Variants in MAST4 observed in about 807,000 individuals in gnomAD.
The protein encoded by MAST4 is microtubule-associated serine/threonine-protein kinase 4.
In MAST4, 89 loss-of-function variants were observed where a neutral mutation model predicts 162.7. That is an observed-to-expected ratio of 0.55 (90% CI 0.46 to 0.65). The LOEUF (loss-of-function observed/expected upper bound fraction) is 0.65, where lower values mean the gene tolerates loss of function less well. MAST4 is among the 30% of genes least tolerant of loss of function. MAST4 has a pLI of 0.00. For missense variants in MAST4, 3,153 were observed against 3,374.0 expected, an observed-to-expected ratio of 0.93 and a Z score of 1.62; for synonymous variants, 1,479 against 1,361.1, an observed-to-expected ratio of 1.09 and a Z score of -1.91.
intron 1 of MAST4, among the ~76,000 whole-genome samples, chr5:66,691,239 T>C (rs540126313): frequency 2.0e-5 from 3 of 152,294 alleles, no homozygotes; most frequent in Admixed American, 6.5e-5. Flanking sequence ...ATAGGGAATG[T>C]CAGATCCCTT....
intron 2 of MAST4, among the ~76,000 whole-genome samples, chr5:66,764,515 C>G (rs947272659): frequency 2.6e-5 from 4 of 151,896 alleles, no homozygotes; most frequent in Non-Finnish European, 5.9e-5. Flanking sequence ...TGACAGTGGT[C>G]CCATAAGATT....
intron 14 of MAST4, 102 bp from the exon 15 acceptor site, chr5:67,130,108 G>A (rs1561692975): frequency 9.3e-7 from 1 of 1,073,114 alleles, no homozygotes; most frequent in East Asian, 2.6e-5. Context: ...CACCTGCTGT[G>A]AGAACTTTTA....
chr5:67,165,893 G>A lies in MAST4; in HGVS notation c.6714G>A (p.Glu2238=), dbSNP rs1045799201. ...ATQSLGGSSR[E]GKGHSKSGPD... ...AGTCCCTCGGTGGCTCTAGCAGAGA[G>A]GGGAAGGGCCACAGTAAGAGTGGGC... The change falls in exon 29 of 29, where the codon GAG becomes GAA. Residue 2238 remains glutamate (E), a synonymous_variant. Transcript: ENST00000403625. The A allele has an allele frequency of 8.7e-6, 14 of 1,613,280 alleles. No homozygotes were observed. Among genetic ancestry groups the A allele is most frequent in the Admixed American group, 6.7e-5 (4 of 60,012 alleles).
At chr5:66,638,248 G>T (rs1283775414) in intron 1 of MAST4, among the ~76,000 whole-genome samples, 1 of 152,150 alleles carries the variant, frequency 6.6e-6, no homozygotes, top group Non-Finnish European at 1.5e-5. Flanking sequence ...AGCCAGGAAT[G>T]GTGGGAGTGA....
chr5:66,907,158 C>CAAGAGAGAGAGAGAGA (rs1554066737), intron 4 of MAST4, among the ~76,000 whole-genome samples: 16 of 104,356 alleles, frequency 1.5e-4, no homozygotes, highest in Admixed American at 2.0e-4. Flanking sequence ...CTCAGCAAAG[C>CAAGAGAGAGAGAGAGA]GAGAGAGAGA....
chr5:66,934,082 C>T (rs1041744524), intron 4 of MAST4, among the ~76,000 whole-genome samples: 1 of 152,006 alleles, frequency 6.6e-6, no homozygotes, highest in African/African-American at 2.4e-5. Context: ...ATAAATACAA[C>T]ATAATTGCAA....
At chr5:66,717,018 C>T (rs17278159) in intron 1 of MAST4, among the ~76,000 whole-genome samples, 24,678 of 152,152 alleles carry the variant, frequency 0.16, 2,536 homozygotes, top group Non-Finnish European at 0.23. Context: ...GGGAGACCAG[C>T]GCTTCTGATC....
chr5:66,808,847 T>C (rs1212239850), intron 3 of MAST4, among the ~76,000 whole-genome samples: 1 of 152,222 alleles, frequency 6.6e-6, no homozygotes, highest in Non-Finnish European at 1.5e-5. Context: ...GCACCTGTGT[T>C]CTACTGGAGG....
At chr5:66,722,375 G>C (rs2149540351) in intron 1 of MAST4, among the ~76,000 whole-genome samples, 1 of 151,070 alleles carries the variant, frequency 6.6e-6, no homozygotes, top group Non-Finnish European at 1.5e-5. Flanking sequence ...TTCACCGAAA[G>C]TTATCTTCTC....
chr5:67,030,152 T>C (rs907464396), intron 4 of MAST4, among the ~76,000 whole-genome samples: 4 of 152,142 alleles, frequency 2.6e-5, no homozygotes, highest in Non-Finnish European at 5.9e-5. Flanking sequence ...TATCTAAATA[T>C]TTTGTATACA....
chr5:67,095,684 CTGACT>C lies in MAST4; in HGVS notation c.912+11_912+15del. 1 of 1,548,926 alleles carries C rather than the reference CTGACT, an allele frequency of 6.5e-7. No homozygotes were observed. The highest frequency in any genetic ancestry group is 8.7e-7 in the Non-Finnish European group (1 of 1,150,636). On this transcript the variant is annotated intron_variant, in intron 7 of 28. Coordinates refer to ENST00000403625, the MANE Select transcript of MAST4 (RefSeq NM_001164664.2). ...CCAGCTCTACGGTCTCTGTAAGTGCCTGACTTTTTTTTTTTTTTTCTCTTCCTCAC... is the reference window on the plus strand; with the variant it reads ...CCAGCTCTACGGTCTCTGTAAGTGCCTTTTTTTTTTTTTTCTCTTCCTCAC...
chr5:66,987,879 G>C (rs1039868120), intron 4 of MAST4, among the ~76,000 whole-genome samples: 1 of 152,198 alleles, frequency 6.6e-6, no homozygotes, highest in Admixed American at 6.5e-5. Context: ...ACTGACTATA[G>C]TTAGGACATG....
At chr5:66,899,156 T>G (rs1039639708) in intron 3 of MAST4, among the ~76,000 whole-genome samples, 3 of 152,248 alleles carry the variant, frequency 2.0e-5, no homozygotes, top group Admixed American at 1.3e-4. Context: ...TAATTATTCT[T>G]GAGCTTTGAA....
At chr5:66,648,079 TGTGTGAGAGA>T (rs1467156049) in intron 1 of MAST4, among the ~76,000 whole-genome samples, 3,246 of 103,044 alleles carry the variant, frequency 0.032, 35 homozygotes, top group South Asian at 0.061. Flanking sequence ...TGTGTGTGTG[TGTGTGAGAGA>T]GAGAGAGAGA....
At chr5:67,082,147 C>CTTT (rs60811351) in intron 5 of MAST4, among the ~76,000 whole-genome samples, 68 of 125,772 alleles carry the variant, frequency 5.4e-4, no homozygotes, top group African/African-American at 8.7e-4. Flanking sequence ...TACCTGTAAT[C>CTTT]TTTTTTTTTT....
At chr5:67,013,160 A>G (rs1752892279) in intron 4 of MAST4, among the ~76,000 whole-genome samples, 1 of 152,238 alleles carries the variant, frequency 6.6e-6, no homozygotes, top group Non-Finnish European at 1.5e-5. Context: ...CAGTAGTACA[A>G]GCAAAATGCA....
intron 27 of MAST4, 57 bp downstream of exon 27, chr5:67,160,649 T>G (rs770753590): frequency 7.6e-5 from 117 of 1,548,940 alleles, no homozygotes; most frequent in Non-Finnish European, 9.6e-6. Context: ...GGGGAAAAGT[T>G]ACCCCTTAAT....
rs771672172 is a variant in MAST4, at chr5:67,163,111, C to T, written c.3968-36C>T. The T allele has an allele frequency of 3.1e-5, 48 of 1,566,726 alleles. No individual in the cohort carries two copies. The East Asian group carries it at 9.1e-4, about 30-fold the overall frequency. ...ACTGTGAAAAAAAGGGGAAAATGAC[C>T]ATGGATGCTCACAGCCTTCTGTTTT... On this transcript the variant is annotated intron_variant, in intron 28 of 28. Transcript: ENST00000403625. The surrounding 1 kb of genome is among the most constrained non-coding windows in gnomAD (Gnocchi z 7.0).
At chr5:66,647,102 T>C (rs768203248) in intron 1 of MAST4, among the ~76,000 whole-genome samples, 1 of 152,196 alleles carries the variant, frequency 6.6e-6, no homozygotes, top group Non-Finnish European at 1.5e-5. Context: ...GTTATGAATG[T>C]TAGTGCTTTG....
Sources: gnomAD v4.1 joint callset for allele counts (sites outside exome capture counted in the v4.1 genomes callset) on GRCh38, gnomAD v4.1.1 for gene constraint, Gnocchi (gnomAD v3.1) non-coding constraint, MANE v1.5 for transcripts, NCBI Gene and HGNC (gene_info 2026-07-23, HGNC 2026-07-21) for gene names.